The following VPS13B variants were observed in gnomAD, a reference collection of about 807,000 sequenced individuals.
VPS13B encodes the protein intermembrane lipid transfer protein VPS13B.
In VPS13B, 285 loss-of-function variants were observed where a neutral mutation model predicts 426.4. That is an observed-to-expected ratio of 0.67 (90% CI 0.61 to 0.74). The LOEUF (loss-of-function observed/expected upper bound fraction) is 0.74. Among genes scored for constraint, VPS13B ranks in the 30% least tolerant of loss-of-function variants. VPS13B has a pLI of 0.00. For missense variants in VPS13B, 4,537 were observed against 4,782.6 expected (o/e 0.95, Z 1.51); for synonymous variants, 1,676 against 1,676.4 (o/e 1.00, Z 0.01).
intron 23 of VPS13B, among the ~76,000 whole-genome samples, chr8:99,460,456 T>C (rs1818764218): frequency 6.6e-6 from 1 of 152,164 alleles, no homozygotes; most frequent in South Asian, 2.1e-4. Context: ...TTGTTGTATA[T>C]ATTCAGTAGC....
At chr8:99,731,500 G>A (rs1015902306) in intron 39 of VPS13B, among the ~76,000 whole-genome samples, 4 of 152,164 alleles carry the variant, frequency 2.6e-5, no homozygotes, top group African/African-American at 9.7e-5. Flanking sequence ...CATTTAGAGT[G>A]TGGGGTTTAT....
intron 30 of VPS13B, among the ~76,000 whole-genome samples, chr8:99,550,708 G>A (rs1215858969): frequency 6.6e-6 from 1 of 151,808 alleles, no homozygotes; most frequent in African/African-American, 2.4e-5. Flanking sequence ...ATTATCCTGT[G>A]CCACTTGAAC....
chr8:99,442,704 T>A (rs1817733934), intron 23 of VPS13B, 69 bp downstream of exon 23: 1 of 1,468,114 alleles, frequency 6.8e-7, no homozygotes, highest in Admixed American at 1.9e-5. Context: ...TTGGTGTTTT[T>A]AAATGTGTCA....
At chr8:99,384,564 A>G (rs962292361) in intron 20 of VPS13B, among the ~76,000 whole-genome samples, 6 of 152,110 alleles carry the variant, frequency 3.9e-5, no homozygotes, top group Admixed American at 3.9e-4. Context: ...AAACTAGTTT[A>G]GGAGTCCTAT....
At chr8:99,047,047 G>A (rs1278954160) in intron 3 of VPS13B, among the ~76,000 whole-genome samples, 3 of 152,246 alleles carry the variant, frequency 2.0e-5, no homozygotes, top group Non-Finnish European at 2.9e-5. Context: ...TTCATAGAAT[G>A]ATTTAGGGAG....
At chr8:99,755,495 G>A (rs1031527642) in intron 39 of VPS13B, among the ~76,000 whole-genome samples, 2 of 152,118 alleles carry the variant, frequency 1.3e-5, no homozygotes, top group African/African-American at 4.8e-5. Context: ...GGAGGCTGGA[G>A]GCGGTGGCTG....
intron 17 of VPS13B, among the ~76,000 whole-genome samples, chr8:99,263,105 T>C (rs2132956041): frequency 6.6e-6 from 1 of 152,300 alleles, no homozygotes. Flanking sequence ...ATTATAGCTT[T>C]GCAAGGCTTG....
intron 2 of VPS13B, among the ~76,000 whole-genome samples, chr8:99,030,232 T>C (rs1241954900): frequency 2.0e-5 from 3 of 151,100 alleles, no homozygotes; most frequent in African/African-American, 4.9e-5. Context: ...TTTTTTTTTT[T>C]CGGCTAACCT....
chr8:99,648,113 C>A (rs921822139), intron 34 of VPS13B, among the ~76,000 whole-genome samples: 2 of 152,288 alleles, frequency 1.3e-5, no homozygotes, highest in South Asian at 4.1e-4. Context: ...ATTTATACAG[C>A]AGACATATTT....
At chr8:99,525,436 G>A (rs1487139160) in intron 30 of VPS13B, among the ~76,000 whole-genome samples, 2 of 152,148 alleles carry the variant, frequency 1.3e-5, no homozygotes, top group African/African-American at 4.8e-5. Context: ...AGCTGATAAT[G>A]TGTCATAGGG....
At chr8:99,843,644 A>G (rs1431493867) in intron 54 of VPS13B, among the ~76,000 whole-genome samples, 1 of 152,220 alleles carries the variant, frequency 6.6e-6, no homozygotes, top group South Asian at 2.1e-4. Flanking sequence ...GCAGTTCTGA[A>G]TGTTTTCTGG....
Position 99,776,944 on chromosome 8 carries a change from C to G in VPS13B, c.7417C>G (p.Gln2473Glu). The G allele has an allele frequency of 1.2e-6, 2 of 1,613,910 alleles. No homozygotes were observed. The highest frequency in any genetic ancestry group is 8.5e-7 in the Non-Finnish European group (1 of 1,179,878). ...LEFHLCHHLD[Q>E]LGTAAPQYLQ... Reference sequence around the variant, plus strand: ...ATTCCATCTTTGTCATCACCTTGACCAACTAGGCACAGGTACTCTTTTTTT... The same window carrying G: ...ATTCCATCTTTGTCATCACCTTGACGAACTAGGCACAGGTACTCTTTTTTT... The change falls in exon 41 of 62, where the codon CAA (glutamine) becomes GAA (glutamate). Residue 2473 changes from glutamine to glutamate, a missense_variant. Gln to Glu is a conservative substitution (Grantham distance 29). Coordinates refer to ENST00000357162, the MANE Select transcript of VPS13B (RefSeq NM_152564.5).
intron 30 of VPS13B, among the ~76,000 whole-genome samples, chr8:99,531,858 T>C (rs1822953630): frequency 6.6e-6 from 1 of 152,116 alleles, no homozygotes; most frequent in Non-Finnish European, 1.5e-5. Context: ...ATATCATTGC[T>C]CTGTCATATT....
intron 30 of VPS13B, among the ~76,000 whole-genome samples, chr8:99,540,046 TATATATATATATATATA>T (rs1383811904): frequency 0.017 from 77 of 4,556 alleles, 2 homozygotes; most frequent in South Asian, 0.031. Flanking sequence ...TATATATATA[TATATATATATATATATA>T]TTTTTTTTTT....
rs1437722924 is a variant in VPS13B, at chr8:99,699,545, T to A, written c.6067T>A (p.Ser2023Thr). ...NGPADVNLDI[S>T]KPLKANLSFT... The stretch of plus-strand genomic sequence containing the variant: ...TATAGCGGATGTCAATTTGGATATA[T>A]CAAAGCCTTTGAAAGCAAACCTGAG... The change falls in exon 36 of 62, where the codon TCA becomes ACA. Residue 2023 changes from serine to threonine, a missense_variant. Ser to Thr is a moderately conservative substitution (Grantham distance 58). Coordinates refer to ENST00000357162, the MANE Select transcript of VPS13B (RefSeq NM_152564.5). 3 of 1,613,836 alleles carry A rather than the reference T, an allele frequency of 1.9e-6. No homozygotes were observed. The highest frequency in any genetic ancestry group is 1.3e-5 in the African/African-American group (1 of 75,034).
At chr8:99,445,340 C>T (rs1279584304) in intron 23 of VPS13B, among the ~76,000 whole-genome samples, 1 of 149,764 alleles carries the variant, frequency 6.7e-6, no homozygotes, top group Non-Finnish European at 1.5e-5. Flanking sequence ...TGGCTTGAGC[C>T]TATAGTCCTA....
intron 19 of VPS13B, among the ~76,000 whole-genome samples, chr8:99,321,074 C>T (rs532781079): frequency 4.6e-5 from 7 of 152,192 alleles, no homozygotes; most frequent in Non-Finnish European, 1.0e-4. Flanking sequence ...GACTGTAGTA[C>T]CAAAGTCAGA....
chr8:99,568,093 T>G (rs1377739333), intron 31 of VPS13B, among the ~76,000 whole-genome samples: 1 of 152,080 alleles, frequency 6.6e-6, no homozygotes, highest in African/African-American at 2.4e-5. Flanking sequence ...TGAGCACGTT[T>G]AAGGGTTCAT....
At chr8:99,445,320 C>G (rs1817860891) in intron 23 of VPS13B, among the ~76,000 whole-genome samples, 1 of 148,762 alleles carries the variant, frequency 6.7e-6, no homozygotes, top group African/African-American at 2.5e-5. Context: ...TAAAAATTAC[C>G]CGGTTGTGGT....
Sources: allele counts gnomAD v4.1 joint callset (sites outside exome capture counted in the v4.1 genomes callset), GRCh38; gene constraint gnomAD v4.1.1; transcripts MANE v1.5; gene names NCBI Gene and HGNC (gene_info 2026-07-23, HGNC 2026-07-21).